LRBA: variants seen among roughly 807,000 people sequenced by gnomAD.
LRBA encodes the protein lipopolysaccharide-responsive and beige-like anchor protein.
In LRBA, 176 loss-of-function variants were observed where a neutral mutation model predicts 330.0. The ratio of observed to expected loss-of-function variants is 0.53; its 90% CI spans 0.47 to 0.60. The LOEUF is 0.60. Ranked by LOEUF, LRBA falls within the 20% of genes least tolerant of loss-of-function variation. The pLI, the probability that LRBA is intolerant of heterozygous loss-of-function variation, is 0.00. For synonymous variants in LRBA, 1,230 were observed against 1,193.0 expected (o/e 1.03, Z -0.64); for missense variants, 3,259 against 3,444.8 (o/e 0.95, Z 1.35).
At chr4:150,857,483 A>C (rs1751364526) in intron 22 of LRBA, among the ~76,000 whole-genome samples, 1 of 152,158 alleles carries the variant, frequency 6.6e-6, no homozygotes, top group African/African-American at 2.4e-5. Context: ...AAACAGTCTA[A>C]ACAGATGCTT....
intron 2 of LRBA, among the ~76,000 whole-genome samples, chr4:150,945,266 C>T (rs1736119919): frequency 6.6e-6 from 1 of 152,162 alleles, no homozygotes; most frequent in Non-Finnish European, 1.5e-5. Flanking sequence ...ATAAAGATAT[C>T]TATTGCAGCA....
At position 150,273,299 on chromosome 4, in the gene LRBA, C is replaced by G. The variant is rs547538658; in HGVS notation, c.8468+4554G>C. On this transcript the variant is annotated intron_variant, in intron 56 of 56. Transcript: ENST00000651943. ...CACCACCAGGCCTGCCTTACAAGAG[C>G]TCCTGAAGGAAGCACTAGACATGGA... 3.0e-4 allele frequency among the ~76,000 whole-genome samples: 45 copies of G among 152,298 alleles called. No individual in the cohort carries two copies. In the Middle Eastern group the frequency reaches 0.01, roughly 35 times the overall value.
chr4:150,876,799 A>G (rs1035012797), intron 17 of LRBA, among the ~76,000 whole-genome samples: 7 of 152,178 alleles, frequency 4.6e-5, no homozygotes, highest in African/African-American at 1.7e-4. Flanking sequence ...CAACCACACA[A>G]AAGAAATTAC....
chr4:150,631,843 T>A (rs1055260917), intron 37 of LRBA, among the ~76,000 whole-genome samples: 1 of 152,080 alleles, frequency 6.6e-6, no homozygotes, highest in Admixed American at 6.6e-5. Context: ...CAGAAGTACA[T>A]CCACATGGAA....
chr4:150,789,851 C>CT (rs1189767920), intron 34 of LRBA, among the ~76,000 whole-genome samples: 2 of 151,232 alleles, frequency 1.3e-5, no homozygotes, highest in African/African-American at 4.9e-5. Context: ...GATCTGTATT[C>CT]TTTTTTTTTA....
At chr4:150,751,683 G>T (rs1429804351) in intron 35 of LRBA, among the ~76,000 whole-genome samples, 4 of 151,958 alleles carry the variant, frequency 2.6e-5, no homozygotes, top group Non-Finnish European at 4.4e-5. Flanking sequence ...ATATTAAGAA[G>T]AAAAAACTAT....
chr4:150,807,481 A>G (rs1433600076), intron 32 of LRBA, among the ~76,000 whole-genome samples: 1 of 152,234 alleles, frequency 6.6e-6, no homozygotes, highest in Non-Finnish European at 1.5e-5. Flanking sequence ...CTCTCTGGAC[A>G]CTAAGTCTCC....
intron 40 of LRBA, among the ~76,000 whole-genome samples, chr4:150,507,715 A>G (rs1437741309): frequency 1.3e-5 from 2 of 152,232 alleles, no homozygotes; most frequent in Non-Finnish European, 2.9e-5. Flanking sequence ...AACAAAAGCC[A>G]AAATTGACAA....
At chr4:150,632,882 C>T (rs570600648) in intron 37 of LRBA, among the ~76,000 whole-genome samples, 1 of 152,192 alleles carries the variant, frequency 6.6e-6, no homozygotes, top group Non-Finnish European at 1.5e-5. Flanking sequence ...TCTATAAGCT[C>T]TGTAGTTTTT....
At chr4:150,584,154 C>A in intron 40 of LRBA, 1 of 1,493,922 alleles carries the variant, frequency 6.7e-7, no homozygotes, top group South Asian at 1.4e-5. Flanking sequence ...GGCGTGCTCT[C>A]TCAGACACAC....
intron 14 of LRBA, among the ~76,000 whole-genome samples, chr4:150,898,738 C>G (rs1428379593): frequency 2.0e-5 from 3 of 151,970 alleles, no homozygotes; most frequent in Non-Finnish European, 4.4e-5. Flanking sequence ...GGTCACTAAT[C>G]AGTTATAAAA....
intron 34 of LRBA, among the ~76,000 whole-genome samples, chr4:150,782,669 T>G (rs768165556): frequency 7.2e-5 from 11 of 152,350 alleles, no homozygotes; most frequent in Non-Finnish European, 1.6e-4. Flanking sequence ...AATTATCTTT[T>G]CATCTCAAAA....
chr4:150,677,804 TAA>T (rs1020996025), intron 37 of LRBA, among the ~76,000 whole-genome samples: 3 of 122,542 alleles, frequency 2.4e-5, no homozygotes, highest in Admixed American at 9.4e-5. Flanking sequence ...TCCCATGTCT[TAA>T]AAAAAAAAAG....
At chr4:150,597,631 TAATACATTTTGTTAAAAATTGC>T (rs1375690301) in intron 38 of LRBA, among the ~76,000 whole-genome samples, 2 of 151,840 alleles carry the variant, frequency 1.3e-5, no homozygotes, top group African/African-American at 4.8e-5. Context: ...GTGGACATGG[TAATACATTTTGTTAAAAATTGC>T]AAAAAAAGTT....
chr4:150,800,051 C>T (rs973730041), intron 33 of LRBA, among the ~76,000 whole-genome samples: 1 of 152,096 alleles, frequency 6.6e-6, no homozygotes, highest in Non-Finnish European at 1.5e-5. Flanking sequence ...GGCCCATATA[C>T]CTATATAGTC....
chr4:150,617,471 G>C (rs1392829736), intron 37 of LRBA, among the ~76,000 whole-genome samples: 1 of 151,574 alleles, frequency 6.6e-6, no homozygotes, highest in Admixed American at 6.6e-5. Context: ...GTGAAACCCT[G>C]TCTCTACTAA....
rs180713647 is a variant in LRBA, at chr4:150,704,781, T to C, written c.5755-21064A>G. Among the ~76,000 whole-genome samples the C allele has an allele frequency of 4.4e-3, 666 of 152,224 alleles. 4 individuals are homozygous for C. The highest frequency in any genetic ancestry group is 0.015 in the African/African-American group (624 of 41,550). ...ACTAGATTGGACTATCATGTAAAAA[T>C]AGCATCAACCAAGCCATGAAAATTG... is the stretch of plus-strand genomic sequence containing the variant. On this transcript the variant is annotated intron_variant, in intron 36 of 56. Transcript: ENST00000651943.
intron 52 of LRBA, among the ~76,000 whole-genome samples, chr4:150,307,302 C>A (rs868249161): frequency 2.6e-5 from 4 of 151,792 alleles, no homozygotes; most frequent in Non-Finnish European, 5.9e-5. Flanking sequence ...GTAGGTGGCA[C>A]AGGGTATTTG....
chr4:150,500,235 A>C (rs1003622883), intron 40 of LRBA, among the ~76,000 whole-genome samples: 67 of 151,930 alleles, frequency 4.4e-4, no homozygotes, highest in African/African-American at 1.6e-3. Flanking sequence ...TGTTGCTTAA[A>C]ATTTTTTAAA....
Sources: allele counts gnomAD v4.1 joint callset (sites outside exome capture counted in the v4.1 genomes callset), GRCh38; gene constraint gnomAD v4.1.1; transcripts MANE v1.5; gene names NCBI Gene and HGNC (gene_info 2026-07-23, HGNC 2026-07-21).